Variants in TMEM278 observed in about 807,000 individuals in gnomAD.
TMEM278 encodes transmembrane protein 88B.
At chr1:1,426,264 TGCTGCCCGGCCG>T in the TMEM278 span, 19 of 1,492,548 alleles carry the variant, frequency 1.3e-5, no homozygotes, top group East Asian at 4.9e-4. Flanking sequence ...GGGCCCCCGC[TGCTGCCCGGCCG>T]GCTGCTGGCC....
At chr1:1,428,901 G>A in the TMEM278 span, among the ~76,000 whole-genome samples, 2 of 151,558 alleles carry the variant, frequency 1.3e-5, no homozygotes, top group African/African-American at 4.9e-5. Flanking sequence ...TCGGGAGGCT[G>A]AGGCAGGAGA....
chr1:1,425,976 G>C, the TMEM278 span, among the ~76,000 whole-genome samples: 1 of 152,050 alleles, frequency 6.6e-6, no homozygotes, highest in Non-Finnish European at 1.5e-5. Flanking sequence ...CAGACATCAG[G>C]GCAGGACCTC....
At chr1:1,426,420 G>A in the TMEM278 span, 1 of 1,337,456 alleles carries the variant, frequency 7.5e-7, no homozygotes, top group Non-Finnish European at 9.6e-7. Flanking sequence ...GGACTAGCTG[G>A]GGTCCTGGGG....
the TMEM278 span, among the ~76,000 whole-genome samples, chr1:1,426,668 G>A: frequency 2.0e-5 from 3 of 152,086 alleles, no homozygotes; most frequent in South Asian, 2.1e-4. Flanking sequence ...GGGAGAGAAC[G>A]GGGTTCCAGG....
At chr1:1,426,232 CCT>C in the TMEM278 span, 1 of 1,453,004 alleles carries the variant, frequency 6.9e-7, no homozygotes, top group Non-Finnish European at 9.1e-7. Flanking sequence ...AGGCCTCAGC[CCT>C]GACGTGCCCA....
chr1:1,426,378 A>G, the TMEM278 span: 1 of 1,412,082 alleles, frequency 7.1e-7, no homozygotes. Context: ...TTCCTGTGCC[A>G]CTCGAGGGTG....
the TMEM278 span, chr1:1,427,685 C>G: frequency 3.0e-6 from 4 of 1,330,200 alleles, no homozygotes; most frequent in Admixed American, 9.5e-5. Context: ...CCCGCCTAGC[C>G]CGGCGCCTCC....
the TMEM278 span, among the ~76,000 whole-genome samples, chr1:1,429,188 A>G: frequency 6.6e-6 from 1 of 151,550 alleles, no homozygotes; most frequent in African/African-American, 2.4e-5. Context: ...ACAAAAAAAC[A>G]ACAAAAAAAA....
the TMEM278 span, chr1:1,427,468 A>AGCCCCCTCCCCTCCATCACCCTGCCCT: frequency 5.2e-4 from 28 of 53,766 alleles, 5 homozygotes; most frequent in East Asian, 1.1e-3. Context: ...CACCCTGCCC[A>AGCCCCCTCCCCTCCATCACCCTGCCCT]GCCCCCTCCC....
chr1:1,426,052 G>A, the TMEM278 span: 1 of 1,281,458 alleles, frequency 7.8e-7, no homozygotes, highest in East Asian at 3.1e-5. Context: ...GGGGTTAAAG[G>A]TCTTCCAGGG....
At chr1:1,428,307 C>T in the TMEM278 span, among the ~76,000 whole-genome samples, 1 of 151,966 alleles carries the variant, frequency 6.6e-6, no homozygotes, top group South Asian at 2.1e-4. Flanking sequence ...TCGTCCAGGG[C>T]TCTGGGGCTC....
chr1:1,427,152 C>T, the TMEM278 span, among the ~76,000 whole-genome samples: 3 of 148,058 alleles, frequency 2.0e-5, no homozygotes, highest in African/African-American at 7.5e-5. Flanking sequence ...ATCTCTATCG[C>T]CCACTCCTCT....
chr1:1,429,112 T>C, the TMEM278 span, among the ~76,000 whole-genome samples: 1 of 151,840 alleles, frequency 6.6e-6, no homozygotes, highest in Non-Finnish European at 1.5e-5. Flanking sequence ...GAGATTGCAG[T>C]GAGCCGAAAT....
the TMEM278 span, among the ~76,000 whole-genome samples, chr1:1,426,885 A>G: frequency 2.0e-5 from 3 of 151,920 alleles, no homozygotes; most frequent in Admixed American, 2.0e-4. Context: ...GGAGGGCAGA[A>G]GCGGGCAGAA....
chr1:1,427,608 G>A, the TMEM278 span: 4 of 1,186,960 alleles, frequency 3.4e-6, no homozygotes, highest in East Asian at 4.7e-5. Flanking sequence ...CCGCGGCTCC[G>A]CGGCGCTCAT....
At chr1:1,428,985 G>C in the TMEM278 span, among the ~76,000 whole-genome samples, 7 of 142,670 alleles carry the variant, frequency 4.9e-5, no homozygotes, top group Non-Finnish European at 1.0e-4. Context: ...GGGCGAAAGA[G>C]CGAGGCTCCG....
chr1:1,428,660 C>T, the TMEM278 span, among the ~76,000 whole-genome samples: 7 of 152,302 alleles, frequency 4.6e-5, no homozygotes, highest in East Asian at 1.9e-4. Context: ...TACTCCCTTC[C>T]GTCTAATCTG....
At chr1:1,427,738 G>A in the TMEM278 span, 2 of 1,300,952 alleles carry the variant, frequency 1.5e-6, no homozygotes, top group South Asian at 2.1e-5. Context: ...GGACCCCGCC[G>A]CCCCCCGGGG....
the TMEM278 span, chr1:1,426,191 C>G: frequency 5.6e-6 from 8 of 1,416,258 alleles, no homozygotes; most frequent in Non-Finnish European, 7.4e-6. Context: ...CGACACAGCG[C>G]CCATGCTGCC....
Sources: allele counts gnomAD v4.1 joint callset (sites outside exome capture counted in the v4.1 genomes callset), GRCh38; gene constraint gnomAD v4.1.1; transcripts MANE v1.5; gene names NCBI Gene and HGNC (gene_info 2026-07-23, HGNC 2026-07-21).